Variants in ZNF716 observed in about 807,000 individuals in gnomAD.
The protein encoded by ZNF716 is zinc finger protein 716.
A neutral mutation model predicts 13.4 loss-of-function variants in ZNF716; 9 were observed. The observed-to-expected ratio is 0.67, with a 90% CI of 0.41 to 1.18. The LOEUF (loss-of-function observed/expected upper bound fraction) is 1.18. Ranked by LOEUF, ZNF716 falls within the 50% of genes most tolerant of loss-of-function variation. ZNF716 has a pLI of 0.01. For missense variants in ZNF716, 581 were observed against 576.6 expected (o/e 1.01, Z -0.08); for synonymous variants, 186 against 195.2 (o/e 0.95, Z 0.39).
At chr7:57,462,285 CT>C (rs1202056207) in intron 1 of ZNF716, 174 bp from the exon 2 acceptor site, 3 of 692,686 alleles carry the variant, frequency 4.3e-6, no homozygotes, top group Non-Finnish European at 7.5e-6. Flanking sequence ...TTAGAGAATA[CT>C]TCCATGTTAA....
chr7:57,452,528 CT>C (rs1789515208), intron 1 of ZNF716, among the ~76,000 whole-genome samples: 1 of 151,976 alleles, frequency 6.6e-6, no homozygotes, highest in Non-Finnish European at 1.5e-5. Context: ...ATCCCAGCTA[CT>C]CAGGAGGCTG....
In ZNF716 at chr7:57,469,269, AC is replaced by A; in HGVS notation, c.809del (p.Thr270AsnfsTer75). 6.3e-7 allele frequency: 1 copy of A among 1,590,464 alleles called. No homozygotes were observed. Among genetic ancestry groups the A allele is most frequent in the Non-Finnish European group, 8.6e-7 (1 of 1,166,608 alleles). On this transcript the variant is annotated frameshift_variant, in exon 4 of 4. Transcript: ENST00000420713. LOFTEE classifies it low-confidence loss of function (END_TRUNC). ...KRIHTGEKPY[T>X]CEERGKVFSR... The stretch of plus-strand genomic sequence containing the variant: ...AATTCATACTGGAGAGAAACCTTAC[AC>A]ATGTGAAGAACGTGGCAAAGTCTTT...
rs1287592965 is a variant in ZNF716, at chr7:57,470,767, T to G, written c.*818T>G. ...GCTTTTAACTGGTTCTCCATCTTTA[T>G]TAATTAAAATATTTTATACTGGAGA... On this transcript the variant is annotated 3_prime_UTR_variant, in exon 4 of 4. Transcript: ENST00000420713. 1 of 151,916 alleles carries G rather than the reference T, an allele frequency of 6.6e-6. No homozygotes were observed. Among genetic ancestry groups the G allele is most frequent in the Non-Finnish European group, 1.5e-5 (1 of 67,998 alleles). The allele number at this position is 151,916 out of a possible 1,614,324, so 9.4% of individuals were successfully genotyped here. A position where few individuals can be genotyped will look rare whatever the true frequency, so the allele number is the denominator to read the frequency against.
At chr7:57,464,070 G>A (rs1284948760) in intron 3 of ZNF716, among the ~76,000 whole-genome samples, 1 of 138,522 alleles carries the variant, frequency 7.2e-6, no homozygotes, top group African/African-American at 2.7e-5. Context: ...CTTCCCATTT[G>A]TATATCTTTT....
chr7:57,465,674 T>TA (rs1203377730), intron 3 of ZNF716, among the ~76,000 whole-genome samples: 5 of 152,134 alleles, frequency 3.3e-5, no homozygotes, highest in Non-Finnish European at 7.4e-5. Flanking sequence ...TACTAAGACT[T>TA]ATGAGTTCTA....
At position 57,471,660 on chromosome 7, in the gene ZNF716, C is replaced by CA. The variant is rs1789940724; in HGVS notation, c.*1717dup. The stretch of plus-strand genomic sequence containing the variant: ...TTGGAGAGAAAGTGTAAATGAATGT[C>CA]AAAAAATATTTGTTCAAAAACTACA... On this transcript the variant is annotated 3_prime_UTR_variant, in exon 4 of 4. Transcript: ENST00000420713. 6.6e-6 allele frequency: 1 copy of CA among 152,014 alleles called. No homozygotes were observed. Among genetic ancestry groups the CA allele is most frequent in the Admixed American group, 6.6e-5 (1 of 15,262 alleles). The allele number at this position is 152,014 out of a possible 1,614,324, so 9.4% of individuals were successfully genotyped here.
intron 1 of ZNF716, among the ~76,000 whole-genome samples, chr7:57,455,846 C>A (rs1268001458): frequency 6.6e-6 from 1 of 151,922 alleles, no homozygotes; most frequent in Non-Finnish European, 1.5e-5. Context: ...CAGCTATTTA[C>A]CAGGATTATC....
At chr7:57,464,898 C>T (rs575946583) in intron 3 of ZNF716, among the ~76,000 whole-genome samples, 1 of 152,152 alleles carries the variant, frequency 6.6e-6, no homozygotes, top group African/African-American at 2.4e-5. Context: ...CAGAAGAGTT[C>T]ATTGCTGGCC....
intron 1 of ZNF716, among the ~76,000 whole-genome samples, chr7:57,460,309 C>T (rs1247592163): frequency 2.0e-5 from 3 of 148,892 alleles, no homozygotes; most frequent in Non-Finnish European, 4.4e-5. Flanking sequence ...GCAGTAGAAT[C>T]GCTTGAACCC....
At position 57,460,298 on chromosome 7, in the gene ZNF716, G is replaced by C. The variant is rs1447923397; in HGVS notation, c.40-2162G>C. The stretch of plus-strand genomic sequence containing the variant: ...TAGTCTCAGCTACTCAGGGGGCTGA[G>C]GCAGTAGAATCGCTTGAACCCAAGA... On this transcript the variant is annotated intron_variant, in intron 1 of 3. Transcript: ENST00000420713. Among the ~76,000 whole-genome samples the C allele has an allele frequency of 2.7e-5, 4 of 150,936 alleles. No individual in the cohort carries two copies. In the East Asian group the frequency reaches 8.0e-4, roughly 30 times the overall value.
At chr7:57,464,031 ATTAAT>A (rs782039729) in intron 3 of ZNF716, among the ~76,000 whole-genome samples, 77 of 151,200 alleles carry the variant, frequency 5.1e-4, no homozygotes, top group Admixed American at 7.9e-4. Context: ...TCTATAAATT[ATTAAT>A]TTTGTGCAAC....
At chr7:57,460,394 CAAAAAAAA>C (rs71565809) in intron 1 of ZNF716, among the ~76,000 whole-genome samples, 1 of 85,502 alleles carries the variant, frequency 1.2e-5, no homozygotes, top group Non-Finnish European at 2.2e-5. Context: ...GACTGTGTCT[CAAAAAAAA>C]AAAAAAAAAA....
At chr7:57,452,603 A>C (rs1789516701) in intron 1 of ZNF716, among the ~76,000 whole-genome samples, 1 of 152,124 alleles carries the variant, frequency 6.6e-6, no homozygotes, top group African/African-American at 2.4e-5. Context: ...GTGCCACTGC[A>C]CTCCAACCTG....
rs1789932950 is a variant in ZNF716 at position 57,471,375 on chromosome 7, A to AC, written c.*1428dup. ...GGTTGCAGTGAGTCAAGATCACCCCACCATACTCCAGCCTGGGTGACAGAG... is the reference window on the plus strand; with the variant it reads ...GGTTGCAGTGAGTCAAGATCACCCCACCCATACTCCAGCCTGGGTGACAGAG... On this transcript the variant is annotated 3_prime_UTR_variant, in exon 4 of 4. Coordinates refer to ENST00000420713, the MANE Select transcript of ZNF716 (RefSeq NM_001159279.1). 1 of 151,506 alleles carries AC rather than the reference A, an allele frequency of 6.6e-6. No homozygotes were observed. The highest frequency in any genetic ancestry group is 1.9e-4 in the East Asian group (1 of 5,130). The allele number at this position is 151,506 out of a possible 1,614,324, so 9.4% of individuals were successfully genotyped here.
chr7:57,460,811 C>T (rs1428727527), intron 1 of ZNF716, among the ~76,000 whole-genome samples: 1 of 152,040 alleles, frequency 6.6e-6, no homozygotes, highest in African/African-American at 2.4e-5. Context: ...ACAGGTAACG[C>T]TCATTTAAAC....
Position 57,462,464 on chromosome 7 carries a change from T to G in ZNF716, c.44T>G (p.Leu15Arg). ...PGPPGSREMGLLTFRDIAIEF... is the reference protein window; with the variant it reads ...PGPPGSREMGRLTFRDIAIEF... ...TTGTTTATTTTTTGTTTTTAGGGAC[T>G]GTTGACATTCAGAGACATAGCTATA... The change falls in exon 2 of 4, where the codon CTG becomes CGG. Residue 15 changes from leucine to arginine, a missense_variant. Physicochemically the swap from Leu to Arg is moderately radical, Grantham distance 102 (BLOSUM62 -2). Transcript: ENST00000420713. 1 of 1,613,822 alleles carries G rather than the reference T, an allele frequency of 6.2e-7. No individual in the cohort carries two copies. Among genetic ancestry groups the G allele is most frequent in the Middle Eastern group, 1.7e-4 (1 of 6,060 alleles).
In ZNF716 at chr7:57,462,489, A is replaced by G. The variant is rs1554323298; in HGVS notation, c.69A>G (p.Ile23Met). Reference sequence around the variant, plus strand: ...TGTTGACATTCAGAGACATAGCTATAGAATTTTCTCTGGCGGAATGGCAAT... The same window carrying G: ...TGTTGACATTCAGAGACATAGCTATGGAATTTTCTCTGGCGGAATGGCAAT... ...MGLLTFRDIAIEFSLAEWQCL... is the reference protein window; with the variant it reads ...MGLLTFRDIAMEFSLAEWQCL... Residue 23 changes from isoleucine (I) to methionine (M), a missense_variant, in exon 2 of 4, where the codon ATA (isoleucine) becomes ATG (methionine). By Grantham distance (10) the Ile-to-Met change is conservative. Transcript: ENST00000420713. 1 of 1,614,010 alleles carries G rather than the reference A, an allele frequency of 6.2e-7. No homozygotes were observed. The highest frequency in any genetic ancestry group is 8.5e-7 in the Non-Finnish European group (1 of 1,179,982).
At chr7:57,456,031 C>A (rs1789581664) in intron 1 of ZNF716, among the ~76,000 whole-genome samples, 1 of 151,914 alleles carries the variant, frequency 6.6e-6, no homozygotes, top group African/African-American at 2.4e-5. Flanking sequence ...TATCGGCTCA[C>A]CACAACCTTC....
intron 1 of ZNF716, among the ~76,000 whole-genome samples, chr7:57,456,117 G>A (rs1789585791): frequency 1.3e-5 from 2 of 151,820 alleles, no homozygotes; most frequent in South Asian, 2.1e-4. Context: ...CACCATGCCC[G>A]GCTAATTTTT....
Sources: allele counts gnomAD v4.1 joint callset (sites outside exome capture counted in the v4.1 genomes callset), GRCh38; gene constraint gnomAD v4.1.1; transcripts MANE v1.5; gene names NCBI Gene and HGNC (gene_info 2026-07-23, HGNC 2026-07-21).